Variants in GPALPP1 observed in about 807,000 individuals in gnomAD.
GPALPP1 encodes GPALPP motifs-containing protein 1.
A neutral mutation model predicts 38.9 loss-of-function variants in GPALPP1; 30 were observed. That is an observed-to-expected ratio of 0.77 (90% CI 0.58 to 1.05). GPALPP1 has a LOEUF of 1.05. Ranked by LOEUF, GPALPP1 falls within the 50% of genes least tolerant of loss-of-function variation. GPALPP1 has a pLI of 0.00. For synonymous variants in GPALPP1, 120 were observed against 139.2 expected, an observed-to-expected ratio of 0.86 and a Z score of 0.97; for missense variants, 384 against 408.8, an observed-to-expected ratio of 0.94 and a Z score of 0.52.
In GPALPP1 at chr13:45,029,963, C is replaced by G. The variant is rs1411200159; in HGVS notation, c.*1960C>G. ...AAATCTGTAAGACTCAATCTCTGAT[C>G]TCAACCAAAGCTTTCTGAGTCCTGG... On this transcript the variant is annotated 3_prime_UTR_variant, in exon 8 of 8. Coordinates refer to ENST00000379151, the MANE Select transcript of GPALPP1 (RefSeq NM_018559.5). 6.6e-6 allele frequency: 1 copy of G among 152,166 alleles called. No individual in the cohort carries two copies. Among genetic ancestry groups the G allele is most frequent in the Non-Finnish European group, 1.5e-5 (1 of 68,032 alleles). The allele number at this position is 152,166 out of a possible 1,614,324, so 9.4% of individuals were successfully genotyped here.
At chr13:45,000,498 C>T (rs1373753472) in intron 1 of GPALPP1, among the ~76,000 whole-genome samples, 1 of 152,050 alleles carries the variant, frequency 6.6e-6, no homozygotes, top group Non-Finnish European at 1.5e-5. Context: ...CATATTTAGA[C>T]CATATTACAC....
chr13:45,033,015 C>T (rs796515378), downstream of GPALPP1, among the ~76,000 whole-genome samples: 20 of 148,732 alleles, frequency 1.3e-4, 1 homozygote, highest in African/African-American at 4.5e-4. Context: ...CCAGCCTGGG[C>T]GACAGAGCGA....
intron 1 of GPALPP1, among the ~76,000 whole-genome samples, chr13:44,999,324 T>C (rs1347702370): frequency 1.3e-5 from 2 of 152,172 alleles, no homozygotes; most frequent in Admixed American, 6.5e-5. Flanking sequence ...AAGTGAAATA[T>C]AAGGAACGCG....
At chr13:44,989,823 G>A in intron 1 of GPALPP1, 81 bp downstream of exon 1, 1 of 1,090,460 alleles carries the variant, frequency 9.2e-7, no homozygotes, top group Non-Finnish European at 1.4e-6. Flanking sequence ...GAAAGTCGGA[G>A]GCCTAGGAGG....
intron 4 of GPALPP1, among the ~76,000 whole-genome samples, chr13:45,011,398 G>A (rs529948756): frequency 9.2e-5 from 14 of 152,234 alleles, no homozygotes; most frequent in South Asian, 2.1e-4. Flanking sequence ...CCAAGATTGC[G>A]TAATTTATAA....
intron 1 of GPALPP1, among the ~76,000 whole-genome samples, chr13:44,994,305 G>A (rs139338639): frequency 0.013 from 1,951 of 150,674 alleles, 12 homozygotes; most frequent in Non-Finnish European, 0.019. Flanking sequence ...TCTCGCGGCC[G>A]GGCACGGTGG....
At chr13:45,000,223 G>A (rs796729852) in intron 1 of GPALPP1, among the ~76,000 whole-genome samples, 4 of 152,168 alleles carry the variant, frequency 2.6e-5, no homozygotes, top group African/African-American at 9.6e-5. Flanking sequence ...TCAAGACCAA[G>A]CTGGACAACA....
intron 1 of GPALPP1, among the ~76,000 whole-genome samples, chr13:45,000,426 A>G (rs1873589780): frequency 1.3e-5 from 2 of 152,212 alleles, no homozygotes; most frequent in Non-Finnish European, 2.9e-5. Context: ...CTAAATAAAT[A>G]AATGAGTGAA....
chr13:44,995,169 A>AACAC (rs371911111), intron 1 of GPALPP1, among the ~76,000 whole-genome samples: 2,185 of 128,600 alleles, frequency 0.017, 82 homozygotes, highest in East Asian at 0.17. Flanking sequence ...CCTATCTTTA[A>AACAC]ACACACACAC....
intron 6 of GPALPP1, among the ~76,000 whole-genome samples, chr13:45,018,990 T>TATACATAG (rs1439504841): frequency 9.4e-5 from 1 of 10,626 alleles, no homozygotes. Flanking sequence ...TATATACATA[T>TATACATAG]AAATATATAT....
intron 1 of GPALPP1, among the ~76,000 whole-genome samples, chr13:44,996,307 A>T (rs1873263724): frequency 1.3e-5 from 2 of 151,688 alleles, no homozygotes; most frequent in African/African-American, 4.8e-5. Flanking sequence ...GTGAGCTGTG[A>T]TCACACCACC....
chr13:44,996,823 A>G (rs894328101), intron 1 of GPALPP1, among the ~76,000 whole-genome samples: 3 of 143,912 alleles, frequency 2.1e-5, no homozygotes, highest in African/African-American at 7.8e-5. Flanking sequence ...GTTTTTAAAA[A>G]TTGTGATAAA....
At chr13:45,000,094 T>C (rs1002657225) in intron 1 of GPALPP1, among the ~76,000 whole-genome samples, 9 of 152,176 alleles carry the variant, frequency 5.9e-5, no homozygotes, top group Non-Finnish European at 1.3e-4. Flanking sequence ...ATATCTCGTT[T>C]GTTTCTTTAA....
chr13:44,998,124 A>G (rs1873422070), intron 1 of GPALPP1, among the ~76,000 whole-genome samples: 1 of 152,194 alleles, frequency 6.6e-6, no homozygotes, highest in Non-Finnish European at 1.5e-5. Context: ...GAACTTCCTC[A>G]ATTTTCTGTT....
downstream of GPALPP1, chr13:45,033,251 G>GA (rs1321637975): frequency 2.0e-5 from 3 of 152,078 alleles, no homozygotes; most frequent in Non-Finnish European, 4.4e-5. Context: ...GGTATTATTA[G>GA]AAAAAAGTTA....
chr13:44,990,772 T>C (rs1035698754), intron 1 of GPALPP1, among the ~76,000 whole-genome samples: 1 of 152,170 alleles, frequency 6.6e-6, no homozygotes, highest in Non-Finnish European at 1.5e-5. Context: ...TCCAATATAA[T>C]TTCTGTCATA....
chr13:45,018,946 T>TGTATAA (rs1404593624), intron 6 of GPALPP1, among the ~76,000 whole-genome samples: 2 of 118,438 alleles, frequency 1.7e-5, no homozygotes, highest in East Asian at 2.2e-4. Context: ...TACATATAAA[T>TGTATAA]ATATATACAT....
exon 8 of GPALPP1, chr13:45,037,352 C>A (rs1876423121): frequency 6.6e-6 from 1 of 152,154 alleles, no homozygotes; most frequent in Non-Finnish European, 1.5e-5. Context: ...CTGAAAGCAA[C>A]ACATTTTGCT....
Position 45,019,082 on chromosome 13 carries a change from A to C in GPALPP1, c.706-1248A>C, listed in dbSNP as rs9567516. On this transcript the variant is annotated intron_variant, in intron 6 of 7. Transcript: ENST00000379151. ...ATATACATATAAATATATACATATA[A>C]ATATATGTATATATATTTATATATA... Among the ~76,000 whole-genome samples, 23 of 114,520 alleles carry C rather than the reference A, an allele frequency of 2.0e-4. No individual in the cohort carries two copies. The East Asian group carries it at 2.2e-3, about 11-fold the overall frequency. The allele number at this position is 114,520 out of a possible 152,430, so 75.1% of individuals were successfully genotyped here. A position where few individuals can be genotyped will look rare whatever the true frequency, so the allele number is the denominator to read the frequency against.
Sources: gnomAD v4.1 joint callset for allele counts (sites outside exome capture counted in the v4.1 genomes callset) on GRCh38, gnomAD v4.1.1 for gene constraint, MANE v1.5 for transcripts, NCBI Gene and HGNC (gene_info 2026-07-23, HGNC 2026-07-21) for gene names.